EDA: variants seen among roughly 807,000 people sequenced by gnomAD.
EDA encodes ectodysplasin-A.
A neutral mutation model predicts 23.6 loss-of-function variants in EDA; 2 were observed. The ratio of observed to expected loss-of-function variants is 0.08; its 90% CI spans 0.03 to 0.27. EDA has a LOEUF of 0.27. EDA is among the 10% of genes least tolerant of loss of function. The pLI is 1.00. For missense variants in EDA, 229 were observed against 324.2 expected, an observed-to-expected ratio of 0.71 and a Z score of 2.26; for synonymous variants, 131 against 132.0, an observed-to-expected ratio of 0.99 and a Z score of 0.05.
At chrX:69,787,344 C>A (rs2015227210) in intron 1 of EDA, among the ~76,000 whole-genome samples, 1 of 101,294 alleles carries the variant, frequency 9.9e-6, no homozygotes, top group African/African-American at 3.5e-5. Context: ...ATGATGTTAG[C>A]TGGTTATTTT....
chrX:70,033,007 A>G (rs1441991044), intron 6 of EDA, among the ~76,000 whole-genome samples: 2 of 112,786 alleles, frequency 1.8e-5, no homozygotes, highest in East Asian at 5.6e-4. Flanking sequence ...AGTAAAATTG[A>G]ATAATAAGAC....
chrX:69,684,451 T>A (rs1193417294), intron 1 of EDA, among the ~76,000 whole-genome samples: 1 of 112,070 alleles, frequency 8.9e-6, no homozygotes, highest in Non-Finnish European at 1.9e-5. Context: ...ATTGTGATCA[T>A]CTACTATGTT....
At chrX:69,841,854 T>C (rs770271364) in intron 1 of EDA, among the ~76,000 whole-genome samples, 15 of 112,372 alleles carry the variant, frequency 1.3e-4, no homozygotes, top group Non-Finnish European at 2.4e-4. Flanking sequence ...ACAGGGAATT[T>C]AGATGATTGT....
Position 69,733,055 on chromosome X carries a change from C to G in EDA, c.396+116351C>G, listed in dbSNP as rs1386972820. Among the ~76,000 whole-genome samples, 16 of 108,071 alleles carry G rather than the reference C, an allele frequency of 1.5e-4. No individual in the cohort carries two copies. The East Asian group carries it at 1.7e-3, about 12-fold the overall frequency. The allele number at this position is 108,071 out of a possible 115,157, so 93.8% of individuals were successfully genotyped here. ...TTTTCTCCCACTCTGTAGGTTGCCT[C>G]TTCACTCTGATAGTAGTTTCTTTTG... On this transcript the variant is annotated intron_variant, in intron 1 of 7. Coordinates refer to ENST00000374552, the MANE Select transcript of EDA (RefSeq NM_001399.5).
At chrX:69,655,787 T>TATATATATATATATATATATATATATAC (rs6151315) in intron 1 of EDA, among the ~76,000 whole-genome samples, 1 of 88,392 alleles carries the variant, frequency 1.1e-5, no homozygotes, top group African/African-American at 4.7e-5. Context: ...TATATATATA[T>TATATATATATATATATATATATATATAC]TGCACTTTGT....
chrX:69,670,278 T>C, intron 1 of EDA: 1 of 408,398 alleles, frequency 2.4e-6, no homozygotes, highest in Non-Finnish European at 4.3e-6. Context: ...ACTGATATTC[T>C]AATGGATATT....
intron 2 of EDA, among the ~76,000 whole-genome samples, chrX:69,988,963 C>T (rs1191524863): frequency 8.9e-6 from 1 of 111,755 alleles, no homozygotes; most frequent in Non-Finnish European, 1.9e-5. Context: ...GCTGAACCCC[C>T]ACACCCACCT....
chrX:69,788,578 G>T (rs1198219517), intron 1 of EDA, among the ~76,000 whole-genome samples: 1 of 111,503 alleles, frequency 9.0e-6, no homozygotes, highest in African/African-American at 3.3e-5. Context: ...GCCCCTGCTG[G>T]GGGGTGCCTC....
Position 70,035,691 on chromosome X carries a change from G to T in EDA, c.*82G>T. ...CCCAGAACCTCTAAGTGCTGCTGTG[G>T]AGTGAGGTGTATTGGTGTTGCAGCC... On this transcript the variant is annotated 3_prime_UTR_variant, in exon 8 of 8. Transcript: ENST00000374552. 3.6e-6 allele frequency: 4 copies of T among 1,109,041 alleles called. No individual in the cohort carries two copies. Among genetic ancestry groups the T allele is most frequent in the Non-Finnish European group, 4.9e-6 (4 of 810,228 alleles). The allele number at this position is 1,109,041 out of a possible 1,213,427, so 91.4% of individuals were successfully genotyped here. A position where few individuals can be genotyped will look rare whatever the true frequency, so the allele number is the denominator to read the frequency against.
intron 1 of EDA, among the ~76,000 whole-genome samples, chrX:69,912,769 C>T (rs199550643): frequency 1.3e-5 from 1 of 79,185 alleles, no homozygotes; most frequent in Middle Eastern, 6.3e-3. Context: ...TTTTTCTTTT[C>T]TTTTTTTTTT....
At chrX:69,777,258 T>C (rs2014814668) in intron 1 of EDA, among the ~76,000 whole-genome samples, 1 of 109,884 alleles carries the variant, frequency 9.1e-6, no homozygotes, top group African/African-American at 3.3e-5. Context: ...CTAGTGAATG[T>C]TGGGGGTGGG....
intron 2 of EDA, among the ~76,000 whole-genome samples, chrX:69,994,832 G>T (rs908711834): frequency 8.9e-6 from 1 of 112,141 alleles, no homozygotes; most frequent in South Asian, 3.7e-4. Flanking sequence ...TAGAAGCAAA[G>T]CCTAGTAAAT....
At chrX:69,790,329 G>A (rs995734304) in intron 1 of EDA, among the ~76,000 whole-genome samples, 6 of 110,271 alleles carry the variant, frequency 5.4e-5, no homozygotes, top group Non-Finnish European at 9.5e-5. Context: ...TCGGGAGAGG[G>A]GGCAGAGGGG....
chrX:69,978,318 T>TAAAAAAAAAAA (rs144187734), intron 2 of EDA, among the ~76,000 whole-genome samples: 2 of 20,423 alleles, frequency 9.8e-5, no homozygotes, highest in Non-Finnish European at 1.5e-4. Flanking sequence ...ACTCCATCTC[T>TAAAAAAAAAAA]AAAAAAAAAA....
At chrX:69,878,572 C>T (rs753308906) in intron 1 of EDA, among the ~76,000 whole-genome samples, 1 of 111,915 alleles carries the variant, frequency 8.9e-6, no homozygotes, top group African/African-American at 3.2e-5. Context: ...AACTTCCCAA[C>T]ACATGATAAT....
chrX:69,783,199 TTAAA>T (rs992093998), intron 1 of EDA, among the ~76,000 whole-genome samples: 5 of 111,949 alleles, frequency 4.5e-5, no homozygotes, highest in African/African-American at 1.6e-4. Flanking sequence ...TCTCGCTGGA[TTAAA>T]TAGAGATGGT....
intron 1 of EDA, among the ~76,000 whole-genome samples, chrX:69,767,856 G>A (rs2014516872): frequency 9.0e-6 from 1 of 111,643 alleles, no homozygotes; most frequent in African/African-American, 3.2e-5. Flanking sequence ...ACAAGACTTG[G>A]TGTACTAAGT....
chrX:69,633,684 C>A (rs1031820817), intron 1 of EDA, among the ~76,000 whole-genome samples: 3 of 50,964 alleles, frequency 5.9e-5, no homozygotes, highest in African/African-American at 4.7e-4. Context: ...GAACATGTAT[C>A]CGTCCTTTTT....
intron 1 of EDA, among the ~76,000 whole-genome samples, chrX:69,883,865 G>T (rs1459797897): frequency 1.8e-5 from 2 of 110,541 alleles, no homozygotes; most frequent in Admixed American, 9.7e-5. Context: ...GGGAGGCAAA[G>T]GTGGGAGGAT....
Sources: allele counts gnomAD v4.1 joint callset (sites outside exome capture counted in the v4.1 genomes callset), GRCh38; gene constraint gnomAD v4.1.1; transcripts MANE v1.5; gene names NCBI Gene and HGNC (gene_info 2026-07-23, HGNC 2026-07-21).